Variants in R3HDM1 observed in about 807,000 individuals in gnomAD.
R3HDM1 encodes R3H domain containing 1, also known as R3H domain-containing protein 1.
Under a neutral mutation model 141.1 loss-of-function variants are expected in R3HDM1, and 46 were observed. The observed-to-expected ratio is 0.33, with a 90% CI of 0.26 to 0.42. The LOEUF (loss-of-function observed/expected upper bound fraction) is 0.42. Among genes scored for constraint, R3HDM1 ranks in the 10% least tolerant of loss-of-function variants. R3HDM1 has a pLI of 1.00. For missense variants in R3HDM1, 1,184 were observed against 1,368.3 expected (o/e 0.87, Z 2.12); for synonymous variants, 435 against 472.9 (o/e 0.92, Z 1.04).
intron 23 of R3HDM1, among the ~76,000 whole-genome samples, chr2:135,714,038 G>A (rs1314518189): frequency 6.6e-6 from 1 of 151,962 alleles, no homozygotes; most frequent in African/African-American, 2.4e-5. Flanking sequence ...TCAGGCAAGA[G>A]TCACCACTAG....
chr2:135,649,210 G>C (rs1303672974), intron 16 of R3HDM1: 4 of 151,872 alleles, frequency 2.6e-5, no homozygotes, highest in African/African-American at 9.7e-5. Context: ...GGCTACAGGC[G>C]CCCGCCACCA....
intron 1 of R3HDM1, among the ~76,000 whole-genome samples, chr2:135,559,703 C>T (rs1267994206): frequency 1.3e-5 from 2 of 152,164 alleles, no homozygotes; most frequent in Non-Finnish European, 2.9e-5. Flanking sequence ...GTATTTTAGA[C>T]ACTTGTTTAG....
chr2:135,632,911 T>C (rs1371002662), intron 9 of R3HDM1, among the ~76,000 whole-genome samples: 1 of 152,184 alleles, frequency 6.6e-6, no homozygotes, highest in Non-Finnish European at 1.5e-5. Context: ...ATTTGCATGG[T>C]TATATTTAAT....
intron 19 of R3HDM1, among the ~76,000 whole-genome samples, chr2:135,668,133 A>G (rs1451726529): frequency 4.6e-5 from 7 of 152,198 alleles, no homozygotes; most frequent in Non-Finnish European, 1.0e-4. Flanking sequence ...GATTAGGAGA[A>G]TGATGTGGGC....
chr2:135,546,993 T>C (rs781366813), intron 1 of R3HDM1, among the ~76,000 whole-genome samples: 1 of 152,168 alleles, frequency 6.6e-6, no homozygotes, highest in Non-Finnish European at 1.5e-5. Context: ...TGAAGGACAT[T>C]ATAAAAACCT....
At chr2:135,622,560 G>T in intron 6 of R3HDM1, 94 bp from the exon 7 acceptor site, 1 of 1,378,160 alleles carries the variant, frequency 7.3e-7, no homozygotes, top group Non-Finnish European at 9.4e-7. Context: ...GGGGCATCTT[G>T]TTTTATTTAA....
chr2:135,617,483 G>A (rs1021586320), intron 5 of R3HDM1, among the ~76,000 whole-genome samples: 4 of 151,910 alleles, frequency 2.6e-5, no homozygotes, highest in African/African-American at 4.8e-5. Flanking sequence ...GTTATTTAAC[G>A]TAACCTGAAT....
intron 18 of R3HDM1, among the ~76,000 whole-genome samples, chr2:135,657,239 C>T (rs2066026622): frequency 6.6e-6 from 1 of 151,162 alleles, no homozygotes; most frequent in Non-Finnish European, 1.5e-5. Context: ...CCCATCTCTA[C>T]TAAAAATACC....
At chr2:135,663,313 T>A (rs558772263) in intron 19 of R3HDM1, among the ~76,000 whole-genome samples, 1 of 152,288 alleles carries the variant, frequency 6.6e-6, no homozygotes, top group East Asian at 1.9e-4. Flanking sequence ...TCAGGTTGCA[T>A]CTGGATAGTG....
At chr2:135,642,006 T>C (rs2063835832) in intron 15 of R3HDM1, among the ~76,000 whole-genome samples, 1 of 152,238 alleles carries the variant, frequency 6.6e-6, no homozygotes, top group Admixed American at 6.5e-5. Flanking sequence ...TGATATCATC[T>C]ATGCCAAATA....
intron 16 of R3HDM1, among the ~76,000 whole-genome samples, chr2:135,648,888 G>C (rs1455690649): frequency 1.3e-5 from 2 of 150,618 alleles, no homozygotes; most frequent in Non-Finnish European, 2.9e-5. Context: ...TAAGTAACTA[G>C]TTTCTCAGCT....
chr2:135,626,173 CTGCT>C, intron 7 of R3HDM1, among the ~76,000 whole-genome samples: 1 of 145,106 alleles, frequency 6.9e-6, no homozygotes, highest in African/African-American at 2.7e-5. Flanking sequence ...CACTGTAGAA[CTGCT>C]TGCTTGCGTG....
chr2:135,638,788 A>C lies in R3HDM1; in HGVS notation c.991A>C (p.Arg331=), dbSNP rs2063507903. ...SSTQQRRQIF[R]VNKDASGRST... ...TACCCAGCAGAGGCGCCAGATATTT[A>C]GGTATTGGAAGCATGTTTTCAATAC... is the stretch of plus-strand genomic sequence containing the variant. The change falls in exon 13 of 27, where the codon AGA becomes CGA. Residue 331 remains arginine, a splice_region_variant and synonymous_variant. Coordinates refer to ENST00000683871, the MANE Select transcript of R3HDM1 (RefSeq NM_001378107.1). 6.2e-7 allele frequency: 1 copy of C among 1,613,972 alleles called. No homozygotes were observed. The highest frequency in any genetic ancestry group is 8.5e-7 in the Non-Finnish European group (1 of 1,179,994).
In R3HDM1 at chr2:135,659,441, CTT is replaced by C. The variant is rs112949059; in HGVS notation, c.2029-1817_2029-1816del. ...TTTTAATAAGTAGCAGGACTACATTCTTTTTTTTTTTTTAAGACAGGCTCTTG... is the reference window on the plus strand; with the variant it reads ...TTTTAATAAGTAGCAGGACTACATTCTTTTTTTTTTTAAGACAGGCTCTTG... On this transcript the variant is annotated intron_variant, in intron 18 of 26. Coordinates refer to ENST00000683871, the MANE Select transcript of R3HDM1 (RefSeq NM_001378107.1). Among the ~76,000 whole-genome samples, 14 of 143,896 alleles carry C rather than the reference CTT, an allele frequency of 9.7e-5. No individual in the cohort carries two copies. The South Asian group carries it at 1.1e-3, about 11-fold the overall frequency. 94.4% of individuals were successfully genotyped at this position (143,896 alleles called of 152,430 possible).
At chr2:135,648,314 T>A (rs1251616280) in intron 16 of R3HDM1, among the ~76,000 whole-genome samples, 1 of 152,210 alleles carries the variant, frequency 6.6e-6, no homozygotes, top group Non-Finnish European at 1.5e-5. Flanking sequence ...AACCGTTGTG[T>A]TGATTTTGTG....
In R3HDM1 at chr2:135,531,546, T is replaced by G; in HGVS notation, c.-337T>G. On this transcript the variant is annotated 5_prime_UTR_variant, in exon 1 of 27. Coordinates refer to ENST00000683871, the MANE Select transcript of R3HDM1 (RefSeq NM_001378107.1). ...GGGCTGGTGATGGGGTTAATTCCCT[T>G]TCGTAAGACTCTTACTTGCACCCAC... 1.0e-6 allele frequency: 1 copy of G among 985,658 alleles called. No homozygotes were observed. Among genetic ancestry groups the G allele is most frequent in the Non-Finnish European group, 1.2e-6 (1 of 829,936 alleles). The allele number at this position is 985,658 out of a possible 1,614,324, so 61.1% of individuals were successfully genotyped here.
chr2:135,596,875 C>G (rs1018631155), intron 1 of R3HDM1: 1 of 275,894 alleles, frequency 3.6e-6, no homozygotes, highest in Non-Finnish European at 5.5e-6. Context: ...TTGTACATGT[C>G]CCTTTGTATA....
chr2:135,668,870 C>T (rs957971132), intron 19 of R3HDM1, among the ~76,000 whole-genome samples: 1 of 152,148 alleles, frequency 6.6e-6, no homozygotes, highest in Non-Finnish European at 1.5e-5. Flanking sequence ...AATGTGGCAA[C>T]AGACTTTTTG....
intron 21 of R3HDM1, among the ~76,000 whole-genome samples, chr2:135,698,483 T>C (rs2073623326): frequency 6.6e-6 from 1 of 152,178 alleles, no homozygotes; most frequent in Non-Finnish European, 1.5e-5. Flanking sequence ...TCTAAGATAC[T>C]AGCAATGTTC....
Sources: gnomAD v4.1 joint callset for allele counts (sites outside exome capture counted in the v4.1 genomes callset) on GRCh38, gnomAD v4.1.1 for gene constraint, MANE v1.5 for transcripts, NCBI Gene and HGNC (gene_info 2026-07-23, HGNC 2026-07-21) for gene names.